Variants in TATDN2 observed in about 807,000 individuals in gnomAD.
TATDN2 encodes 3'-5' RNA nuclease TATDN2.
In TATDN2, 44 loss-of-function variants were observed where a neutral mutation model predicts 60.3. The observed-to-expected ratio is 0.73, with a 90% CI of 0.57 to 0.94. The LOEUF (loss-of-function observed/expected upper bound fraction) is 0.94, where lower values mean the gene tolerates loss of function less well. Among genes scored for constraint, TATDN2 ranks in the 40% least tolerant of loss-of-function variants. The probability of loss-of-function intolerance (pLI) is 0.00; values close to 1 mark genes in which losing one functional copy is unlikely to be tolerated. For synonymous variants in TATDN2, 399 were observed against 355.8 expected, an observed-to-expected ratio of 1.12 and a Z score of -1.37; for missense variants, 997 against 948.0, an observed-to-expected ratio of 1.05 and a Z score of -0.68.
rs1441494656 is a variant in TATDN2 at position 10,276,502 on chromosome 3, A to T, written c.1961+14A>T. On this transcript the variant is annotated intron_variant, in intron 5 of 7. Transcript: ENST00000448281. The stretch of plus-strand genomic sequence containing the variant: ...CAAGATCCATAGGTTAGAAGACTGG[A>T]ACTTCAGCGGGCAAATGAAAGAAAC... 12 of 1,613,112 alleles carry T rather than the reference A, an allele frequency of 7.4e-6. No individual in the cohort carries two copies. The South Asian group carries it at 1.3e-4, about 18-fold the overall frequency.
At chr3:10,259,938 T>C (rs777369442) in intron 2 of TATDN2, among the ~76,000 whole-genome samples, 199 bp from the exon 3 acceptor site, 8 of 152,220 alleles carry the variant, frequency 5.3e-5, no homozygotes, top group Non-Finnish European at 1.0e-4. Flanking sequence ...CTGCTGAGCA[T>C]GAGAAGGCGA....
intron 3 of TATDN2, among the ~76,000 whole-genome samples, chr3:10,262,618 C>A (rs1345856698): frequency 1.4e-5 from 2 of 146,442 alleles, no homozygotes; most frequent in Non-Finnish European, 3.0e-5. Context: ...TCACTGCAGC[C>A]TCCACTTCCT....
chr3:10,251,536 C>T (rs1698232282), intron 2 of TATDN2, among the ~76,000 whole-genome samples: 1 of 151,946 alleles, frequency 6.6e-6, no homozygotes, highest in Non-Finnish European at 1.5e-5. Context: ...CAGGTGTGCG[C>T]TACCGTGCCC....
chr3:10,261,506 G>C (rs1028324608), intron 3 of TATDN2, among the ~76,000 whole-genome samples: 1 of 152,018 alleles, frequency 6.6e-6, no homozygotes. Flanking sequence ...GAGTAGCTGG[G>C]ATTACAGGTG....
At chr3:10,275,060 A>C (rs1698615572) in intron 4 of TATDN2, among the ~76,000 whole-genome samples, 1 of 146,032 alleles carries the variant, frequency 6.8e-6, no homozygotes, top group Non-Finnish European at 1.5e-5. Flanking sequence ...ATCTCAGCTC[A>C]CTGCAGCCTT....
Position 10,260,121 on chromosome 3 carries a change from G to GTTT in TATDN2, c.415-8_415-6dup. On this transcript the variant is annotated splice_polypyrimidine_tract_variant and intron_variant, in intron 2 of 7. Coordinates refer to ENST00000448281, the MANE Select transcript of TATDN2 (RefSeq NM_014760.4). Reference sequence around the variant, plus strand: ...CCCTTGGAACAGCCCTTTCAATTCTGTTTTTTTTTTCCCAGGTTGATTCCA... The same window carrying GTTT: ...CCCTTGGAACAGCCCTTTCAATTCTGTTTTTTTTTTTTTCCCAGGTTGATTCCA... 1 of 1,387,230 alleles carries GTTT rather than the reference G, an allele frequency of 7.2e-7. No homozygotes were observed. The highest frequency in any genetic ancestry group is 2.1e-5 in the Admixed American group (1 of 48,512). The allele number at this position is 1,387,230 out of a possible 1,614,324, so 85.9% of individuals were successfully genotyped here.
intron 2 of TATDN2, among the ~76,000 whole-genome samples, chr3:10,253,565 G>T (rs1251076097): frequency 6.6e-6 from 1 of 152,160 alleles, no homozygotes; most frequent in African/African-American, 2.4e-5. Context: ...GCACCTTCAT[G>T]TAGTAAAGAT....
In TATDN2 at chr3:10,249,401, G is replaced by C; in HGVS notation, c.201G>C (p.Arg67=). 2 of 1,613,290 alleles carry C rather than the reference G, an allele frequency of 1.2e-6. No homozygotes were observed. The highest frequency in any genetic ancestry group is 2.7e-5 in the African/African-American group (2 of 75,048). ...AQKEDDVACS[R]RLSWGSSRRR... ...AGGAGGACGATGTGGCTTGCTCGCGGAGGTTATCCTGGGGCTCATCCCGCC... is the reference window on the plus strand; with the variant it reads ...AGGAGGACGATGTGGCTTGCTCGCGCAGGTTATCCTGGGGCTCATCCCGCC... The change falls in exon 2 of 8, where the codon CGG becomes CGC. Residue 67 remains arginine (R), a synonymous_variant. Transcript: ENST00000448281.
Position 10,276,488 on chromosome 3 carries a change from G to T in TATDN2, c.1961G>T (p.Arg654Met). Residue 654 changes from arginine to methionine, a missense_variant and splice_region_variant, in exon 5 of 8, where the codon AGG (arginine) becomes ATG (methionine). Arg to Met is a moderately conservative substitution (Grantham distance 91, BLOSUM62 -1). Coordinates refer to ENST00000448281, the MANE Select transcript of TATDN2 (RefSeq NM_014760.4). ...GTGCCCCCTGACTACAAGATCCATA[G>T]GTTAGAAGACTGGAACTTCAGCGGG... ...KFVPPDYKIH[R>M]HCFTGSYPVI... is the part of the protein sequence containing the mutation. The T allele has an allele frequency of 6.2e-7, 1 of 1,613,766 alleles. No homozygotes were observed. The highest frequency in any genetic ancestry group is 1.7e-5 in the Admixed American group (1 of 59,966).
chr3:10,248,475 C>G lies in TATDN2; in HGVS notation c.-599C>G, dbSNP rs1310434501. On this transcript the variant is annotated 5_prime_UTR_variant, in exon 1 of 8. Coordinates refer to ENST00000448281, the MANE Select transcript of TATDN2 (RefSeq NM_014760.4). ...CCCGCCCCTGTCGCTCTCCGGCCTG[C>G]GGGCCGCAGGGCTCGTTCCGGAGGG... The G allele has an allele frequency of 1.3e-5, 2 of 152,108 alleles. No homozygotes were observed. Among genetic ancestry groups the G allele is most frequent in the East Asian group, 1.9e-4 (1 of 5,168 alleles). The allele number at this position is 152,108 out of a possible 1,614,324, so 9.4% of individuals were successfully genotyped here. A position where few individuals can be genotyped will look rare whatever the true frequency, so the allele number is the denominator to read the frequency against.
chr3:10,268,515 C>T (rs1289617591), intron 3 of TATDN2, among the ~76,000 whole-genome samples: 1 of 152,154 alleles, frequency 6.6e-6, no homozygotes, highest in East Asian at 1.9e-4. Flanking sequence ...GAAATGATGG[C>T]ACTTAAATTT....
chr3:10,275,777 AC>A (rs56675023), intron 4 of TATDN2, among the ~76,000 whole-genome samples: 13,636 of 27,920 alleles, frequency 0.49, 813 homozygotes, highest in East Asian at 0.58. Flanking sequence ...ACAAAAAAAA[AC>A]AAAGCAAGTT....
chr3:10,250,156 T>C (rs1008159950), intron 2 of TATDN2, among the ~76,000 whole-genome samples: 11 of 149,844 alleles, frequency 7.3e-5, no homozygotes, highest in Admixed American at 6.0e-4. Context: ...GGGGTTTTGC[T>C]TGGTGGTGCT....
intron 5 of TATDN2, 98 bp downstream of exon 5, chr3:10,276,586 CTATT>C (rs1698641265): frequency 2.1e-6 from 3 of 1,408,514 alleles, no homozygotes; most frequent in African/African-American, 2.9e-5. Context: ...TATACACTAT[CTATT>C]CTTTTTTTTT....
chr3:10,254,242 G>A (rs1698270932), intron 2 of TATDN2, among the ~76,000 whole-genome samples: 1 of 152,126 alleles, frequency 6.6e-6, no homozygotes, highest in Non-Finnish European at 1.5e-5. Flanking sequence ...CTGTAACAGG[G>A]ATGGGTTTGG....
chr3:10,271,130 G>A (rs919783067), intron 4 of TATDN2, 115 bp downstream of exon 4: 16 of 1,359,612 alleles, frequency 1.2e-5, no homozygotes, highest in Admixed American at 8.2e-5. Context: ...CCCTGAAAAC[G>A]CAGTGTGCTT....
At position 10,275,174 on chromosome 3, in the gene TATDN2, C is replaced by T. The variant is rs771940146; in HGVS notation, c.1834-1187C>T. 8.4e-4 allele frequency among the ~76,000 whole-genome samples: 127 copies of T among 151,986 alleles called. 1 individual carries two copies. Among genetic ancestry groups the T allele is most frequent in the Non-Finnish European group, 1.5e-3 (101 of 67,962 alleles). On this transcript the variant is annotated intron_variant, in intron 4 of 7. Coordinates refer to ENST00000448281, the MANE Select transcript of TATDN2 (RefSeq NM_014760.4). ...CTAATTTTTGTATTTTTAGTAGAGACAGGGTTTCACCATGTTGGCCAGGCT... is the reference window on the plus strand; with the variant it reads ...CTAATTTTTGTATTTTTAGTAGAGATAGGGTTTCACCATGTTGGCCAGGCT...
rs1240837552 is a variant in TATDN2, at chr3:10,270,441, C to T, written c.1259C>T (p.Ser420Phe). 5 of 1,614,180 alleles carry T rather than the reference C, an allele frequency of 3.1e-6. No individual in the cohort carries two copies. Among genetic ancestry groups the T allele is most frequent in the African/African-American group, 1.3e-5 (1 of 75,046 alleles). The change falls in exon 4 of 8, where the codon TCC (serine) becomes TTC (phenylalanine). Residue 420 changes from serine (S) to phenylalanine (F), a missense_variant. Physicochemically the swap from Ser to Phe is radical, Grantham distance 155 (BLOSUM62 -2). Transcript: ENST00000448281. Reference protein sequence around the residue: ...KSSRSRMSDYSPNSTGSVQNT... With the variant: ...KSSRSRMSDYFPNSTGSVQNT... ...AGCCGGAGCCGCATGAGTGATTATT[C>T]CCCCAACTCTACAGGGAGTGTCCAA...
rs770435769 is a variant in TATDN2 at position 10,249,438 on chromosome 3, T to A, written c.238T>A (p.Ser80Thr). 1.2e-6 allele frequency: 2 copies of A among 1,612,412 alleles called. No homozygotes were observed. Among genetic ancestry groups the A allele is most frequent in the Middle Eastern group, 1.7e-4 (1 of 6,052 alleles). ...GGGCTCATCCCGCCGCAGAAATAACTCCTCCTCCTCCTTCTCCCCACATTT... is the reference window on the plus strand; with the variant it reads ...GGGCTCATCCCGCCGCAGAAATAACACCTCCTCCTCCTTCTCCCCACATTT... ...SWGSSRRRNN[S>T]SSSFSPHFLG... The change falls in exon 2 of 8, where the codon TCC becomes ACC. Residue 80 changes from serine (S) to threonine (T), a missense_variant. Coordinates refer to ENST00000448281, the MANE Select transcript of TATDN2 (RefSeq NM_014760.4).
Sources: allele counts gnomAD v4.1 joint callset (sites outside exome capture counted in the v4.1 genomes callset), GRCh38; gene constraint gnomAD v4.1.1; transcripts MANE v1.5; gene names NCBI Gene and HGNC (gene_info 2026-07-23, HGNC 2026-07-21).